The following DCC variants were observed in gnomAD, a reference collection of about 807,000 sequenced individuals.
The protein encoded by DCC is netrin receptor DCC.
Under a neutral mutation model 172.5 loss-of-function variants are expected in DCC, and 58 were observed. That is an observed-to-expected ratio of 0.34 (90% CI 0.27 to 0.42). DCC has a LOEUF of 0.42. DCC is among the 10% of genes least tolerant of loss of function. DCC has a pLI of 1.00. For synonymous variants in DCC, 709 were observed against 644.5 expected (o/e 1.10, Z -1.52); for missense variants, 1,740 against 1,791.0 (o/e 0.97, Z 0.51).
At chr18:53,236,733 C>A (rs949589715) in intron 12 of DCC, among the ~76,000 whole-genome samples, 3 of 152,106 alleles carry the variant, frequency 2.0e-5, no homozygotes, top group South Asian at 4.1e-4. Flanking sequence ...CTGTGATACA[C>A]CTTGAATTAA....
chr18:53,460,945 G>A (rs1599175640), intron 24 of DCC, among the ~76,000 whole-genome samples: 1 of 152,124 alleles, frequency 6.6e-6, no homozygotes, highest in African/African-American at 2.4e-5. Context: ...AGGACCTGTT[G>A]TTTCCTGACT....
At chr18:52,520,776 T>C (rs2144665659) in intron 1 of DCC, among the ~76,000 whole-genome samples, 1 of 152,274 alleles carries the variant, frequency 6.6e-6, no homozygotes, top group East Asian at 1.9e-4. Flanking sequence ...GGCCAGAGAA[T>C]CAAAGTATTC....
At chr18:52,724,479 G>A (rs1331183630) in intron 1 of DCC, among the ~76,000 whole-genome samples, 5 of 151,944 alleles carry the variant, frequency 3.3e-5, no homozygotes, top group Admixed American at 1.3e-4. Context: ...TTTCTCAATA[G>A]CCAGTTTTAT....
intron 7 of DCC, among the ~76,000 whole-genome samples, chr18:53,152,198 G>T (rs1265931069): frequency 6.6e-6 from 1 of 152,116 alleles, no homozygotes; most frequent in African/African-American, 2.4e-5. Flanking sequence ...CATGGGGAAT[G>T]AAACAAGGAA....
intron 2 of DCC, among the ~76,000 whole-genome samples, chr18:52,899,683 A>G (rs1006207384): frequency 1.3e-5 from 2 of 151,198 alleles, no homozygotes. Flanking sequence ...TTTTATAGAG[A>G]CAGAATCTCT....
chr18:53,205,302 G>C lies in DCC; in HGVS notation c.1660G>C (p.Ala554Pro), dbSNP rs145560552. ...ILITWEPPAY[A>P]NGPVQGYRLF... ...TATTACCTGGGAACCCCCTGCCTAT[G>C]CAAACGGTCCAGTCCAAGGTTACAG... is the stretch of plus-strand genomic sequence containing the variant. Residue 554 changes from alanine to proline, a missense_variant, in exon 10 of 29, where the codon GCA (alanine) becomes CCA (proline). Physicochemically the swap from Ala to Pro is conservative, Grantham distance 27 (BLOSUM62 -1). Transcript: ENST00000442544. The C allele has an allele frequency of 5.6e-6, 9 of 1,613,806 alleles. No individual in the cohort carries two copies. The African/African-American group carries it at 1.2e-4, about 22-fold the overall frequency.
At chr18:53,489,105 C>A (rs1245026080) in intron 26 of DCC, among the ~76,000 whole-genome samples, 1 of 151,600 alleles carries the variant, frequency 6.6e-6, no homozygotes, top group Non-Finnish European at 1.5e-5. Flanking sequence ...AATATTTATT[C>A]TCTAGAAGAT....
chr18:52,610,934 A>C (rs917069908), intron 1 of DCC, among the ~76,000 whole-genome samples: 2 of 152,168 alleles, frequency 1.3e-5, no homozygotes, highest in African/African-American at 4.8e-5. Flanking sequence ...GCTGACTTTT[A>C]AGTAGTGTAA....
chr18:52,821,268 C>T (rs939270792), intron 2 of DCC, among the ~76,000 whole-genome samples: 8 of 152,188 alleles, frequency 5.3e-5, no homozygotes, highest in African/African-American at 9.6e-5. Flanking sequence ...TCTATCTAAA[C>T]AACCTCTCAA....
intron 2 of DCC, among the ~76,000 whole-genome samples, chr18:52,905,646 TC>T (rs769840305): frequency 3.3e-5 from 5 of 152,206 alleles, no homozygotes; most frequent in Non-Finnish European, 5.9e-5. Flanking sequence ...AGGAATTCTG[TC>T]CATAGGACCA....
chr18:53,287,300 A>G (rs1350302748), intron 12 of DCC, among the ~76,000 whole-genome samples: 2 of 152,200 alleles, frequency 1.3e-5, no homozygotes, highest in African/African-American at 4.8e-5. Context: ...ATATTGTAGA[A>G]TGTATCAGTA....
intron 12 of DCC, among the ~76,000 whole-genome samples, chr18:53,259,024 A>T (rs2056559291): frequency 1.3e-5 from 2 of 152,136 alleles, no homozygotes; most frequent in Middle Eastern, 3.4e-3. Context: ...AGAGACTAGG[A>T]TTGCAACCCC....
chr18:52,648,637 C>T (rs2035064231), intron 1 of DCC, among the ~76,000 whole-genome samples: 2 of 152,178 alleles, frequency 1.3e-5, no homozygotes, highest in African/African-American at 2.4e-5. Context: ...CGTCTTTTCA[C>T]ACACATGCAC....
At position 52,906,470 on chromosome 18, in the gene DCC, G is replaced by C. The variant is rs934303852; in HGVS notation, c.697+142G>C. Reference sequence around the variant, plus strand: ...TTTGTTTATTATTTCTTTCTTCCTTGCCGAAGCATTCAATCAGGTTGTACC... The same window carrying C: ...TTTGTTTATTATTTCTTTCTTCCTTCCCGAAGCATTCAATCAGGTTGTACC... On this transcript the variant is annotated intron_variant, in intron 3 of 28. Coordinates refer to ENST00000442544, the MANE Select transcript of DCC (RefSeq NM_005215.4). 2.2e-4 allele frequency: 200 copies of C among 911,086 alleles called. 1 individual carries two copies. In the East Asian group the frequency reaches 5.4e-3, roughly 25 times the overall value. The allele number at this position is 911,086 out of a possible 1,614,324, so 56.4% of individuals were successfully genotyped here.
intron 1 of DCC, among the ~76,000 whole-genome samples, chr18:52,342,567 G>A (rs991259200): frequency 6.6e-6 from 1 of 152,150 alleles, no homozygotes; most frequent in African/African-American, 2.4e-5. Flanking sequence ...CCCTCCTTCT[G>A]CCCAGAAGAT....
intron 3 of DCC, among the ~76,000 whole-genome samples, chr18:52,909,519 T>C (rs1445711710): frequency 6.6e-6 from 1 of 152,180 alleles, no homozygotes; most frequent in Non-Finnish European, 1.5e-5. Context: ...TTTATAGTTA[T>C]ATAATTCTAA....
chr18:53,241,103 A>T (rs1348475604), intron 12 of DCC, among the ~76,000 whole-genome samples: 1 of 152,152 alleles, frequency 6.6e-6, no homozygotes, highest in Non-Finnish European at 1.5e-5. Flanking sequence ...TGAGGCTGGG[A>T]AGTAATGTTA....
At chr18:52,730,677 C>A (rs79122004) in intron 1 of DCC, among the ~76,000 whole-genome samples, 1 of 152,152 alleles carries the variant, frequency 6.6e-6, no homozygotes, top group Admixed American at 6.5e-5. Flanking sequence ...TGGCTGAATT[C>A]AAACCTTCTT....
intron 5 of DCC, among the ~76,000 whole-genome samples, chr18:52,996,948 T>C (rs1416644624): frequency 6.6e-6 from 1 of 152,032 alleles, no homozygotes; most frequent in African/African-American, 2.4e-5. Flanking sequence ...AGCAATCAAG[T>C]ATTAACTGGT....
Sources: allele counts gnomAD v4.1 joint callset (sites outside exome capture counted in the v4.1 genomes callset), GRCh38; gene constraint gnomAD v4.1.1; transcripts MANE v1.5; gene names NCBI Gene and HGNC (gene_info 2026-07-23, HGNC 2026-07-21).